The following TRIP13 variants were observed in gnomAD, a reference collection of about 807,000 sequenced individuals.
TRIP13 encodes thyroid hormone receptor interactor 13.
TRIP13 carries 25 observed loss-of-function variants against 54.4 expected under a neutral mutation model. The observed-to-expected ratio is 0.46, with a 90% CI of 0.33 to 0.64. The LOEUF (loss-of-function observed/expected upper bound fraction) is 0.64, where lower values mean the gene tolerates loss of function less well. Among genes scored for constraint, TRIP13 ranks in the 30% least tolerant of loss-of-function variants. TRIP13 has a pLI of 0.02. For synonymous variants in TRIP13, 207 were observed against 207.8 expected, an observed-to-expected ratio of 1.00 and a Z score of 0.03; for missense variants, 373 against 534.2, an observed-to-expected ratio of 0.70 and a Z score of 2.97.
At chr5:900,264 T>A (rs1162942037) in intron 3 of TRIP13, among the ~76,000 whole-genome samples, 1 of 152,246 alleles carries the variant, frequency 6.6e-6, no homozygotes, top group Non-Finnish European at 1.5e-5. Context: ...TCCATCCAGT[T>A]GTCTGCCAGA....
intron 3 of TRIP13, among the ~76,000 whole-genome samples, chr5:897,150 G>C (rs566018548): frequency 1.5e-4 from 22 of 150,586 alleles, no homozygotes; most frequent in African/African-American, 5.1e-4. Context: ...GCTTCATTCA[G>C]TCAGTGTGTG....
rs993307749 is a variant in TRIP13 at position 912,879 on chromosome 5, A to G, written c.1020+883A>G. 1.3e-5 allele frequency among the ~76,000 whole-genome samples: 2 copies of G among 152,206 alleles called. No individual in the cohort carries two copies. Among genetic ancestry groups the G allele is most frequent in the Non-Finnish European group, 2.9e-5 (2 of 68,026 alleles). ...TGTTTAGGGTAGTTGGGCGGTAACC[A>G]AGCAAACCAGTGAATGGGGATTTAA... On this transcript the variant is annotated intron_variant, in intron 10 of 12. Coordinates refer to ENST00000166345, the MANE Select transcript of TRIP13 (RefSeq NM_004237.4). This position sits in a 1 kb window ranked among gnomAD's most constrained non-coding sequence, Gnocchi z 7.2.
At position 908,557 on chromosome 5, in the gene TRIP13, A is replaced by G; in HGVS notation, c.866+96A>G. Reference sequence around the variant, plus strand: ...TGTGCAACCCTAGATCTTAGTGCCCAGCTCTTTCACCGGAAAGTGCATTTG... The same window carrying G: ...TGTGCAACCCTAGATCTTAGTGCCCGGCTCTTTCACCGGAAAGTGCATTTG... On this transcript the variant is annotated intron_variant, in intron 9 of 12. Transcript: ENST00000166345. This position sits in a 1 kb window ranked among gnomAD's most constrained non-coding sequence, Gnocchi z 5.2. 6.4e-7 allele frequency: 1 copy of G among 1,555,988 alleles called. No individual in the cohort carries two copies. Among genetic ancestry groups the G allele is most frequent in the Middle Eastern group, 1.7e-4 (1 of 5,958 alleles).
At chr5:916,479 T>G (rs1754343580) in intron 12 of TRIP13, among the ~76,000 whole-genome samples, 1 of 152,232 alleles carries the variant, frequency 6.6e-6, no homozygotes, top group Non-Finnish European at 1.5e-5. Context: ...AACCCCCATC[T>G]TGGAATGTTT....
chr5:895,135 C>T (rs956245517), intron 2 of TRIP13, among the ~76,000 whole-genome samples, 183 bp downstream of exon 2: 1 of 152,154 alleles, frequency 6.6e-6, no homozygotes, highest in Non-Finnish European at 1.5e-5. Flanking sequence ...GGAAGTAGCC[C>T]TGATGTCGGG....
At position 908,272 on chromosome 5, in the gene TRIP13, C is replaced by A; in HGVS notation, c.760-83C>A. 1 of 1,508,974 alleles carries A rather than the reference C, an allele frequency of 6.6e-7. No homozygotes were observed. Among genetic ancestry groups the A allele is most frequent in the Non-Finnish European group, 9.1e-7 (1 of 1,096,854 alleles). The allele number at this position is 1,508,974 out of a possible 1,614,324, so 93.5% of individuals were successfully genotyped here. A position where few individuals can be genotyped will look rare whatever the true frequency, so the allele number is the denominator to read the frequency against. On this transcript the variant is annotated intron_variant, in intron 8 of 12. Coordinates refer to ENST00000166345, the MANE Select transcript of TRIP13 (RefSeq NM_004237.4). This position sits in a 1 kb window ranked among gnomAD's most constrained non-coding sequence, Gnocchi z 5.2. ...AACACCCATTCATTCATCTTTTTCA[C>A]GTGCTCAGCGGGACGTATCCCCATA...
In TRIP13 at chr5:896,604, A is replaced by G. The variant is rs1479988168; in HGVS notation, c.259-61A>G. On this transcript the variant is annotated intron_variant, in intron 2 of 12. Transcript: ENST00000166345. The stretch of plus-strand genomic sequence containing the variant: ...TTGTAGACCTTAACATCTAATTTGT[A>G]TGGTTGCAGTTAAGTGAGAGTTGGA... 8.4e-6 allele frequency: 13 copies of G among 1,555,300 alleles called. No individual in the cohort carries two copies. In the East Asian group the frequency reaches 2.3e-4, roughly 27 times the overall value.
At chr5:914,240 C>T (rs1177452141) in intron 10 of TRIP13, among the ~76,000 whole-genome samples, 3 of 152,096 alleles carry the variant, frequency 2.0e-5, no homozygotes, top group Admixed American at 6.6e-5. Flanking sequence ...GAGGCATGTT[C>T]CGTTATTTGT....
At position 915,598 on chromosome 5, in the gene TRIP13, C is replaced by T. The variant is rs534795763; in HGVS notation, c.1134-306C>T. 2.9e-4 allele frequency among the ~76,000 whole-genome samples: 44 copies of T among 152,294 alleles called. No homozygotes were observed. Among genetic ancestry groups the T allele is most frequent in the Admixed American group, 1.0e-3 (16 of 15,308 alleles). On this transcript the variant is annotated intron_variant, in intron 11 of 12. Coordinates refer to ENST00000166345, the MANE Select transcript of TRIP13 (RefSeq NM_004237.4). This position sits in a 1 kb window ranked among gnomAD's most constrained non-coding sequence, Gnocchi z 4.2. ...GATGCCTTCCCTGAGCACAAGGATGCTGGCCCTGGGGCAGAGCACACAGGT... is the reference window on the plus strand; with the variant it reads ...GATGCCTTCCCTGAGCACAAGGATGTTGGCCCTGGGGCAGAGCACACAGGT...
chr5:914,363 C>T (rs549943042), intron 10 of TRIP13, 102 bp from the exon 11 acceptor site: 5 of 750,334 alleles, frequency 6.7e-6, no homozygotes, highest in African/African-American at 1.7e-5. Flanking sequence ...TGAGACGTGG[C>T]GTGGTTGACA....
intron 9 of TRIP13, among the ~76,000 whole-genome samples, chr5:910,928 G>A (rs1424868824): frequency 6.6e-6 from 1 of 152,220 alleles, no homozygotes; most frequent in East Asian, 1.9e-4. Flanking sequence ...CAGGCACAGG[G>A]CCTGCCCTCC....
intron 6 of TRIP13, among the ~76,000 whole-genome samples, chr5:904,605 CT>C (rs1754068549): frequency 6.6e-6 from 1 of 152,104 alleles, no homozygotes; most frequent in South Asian, 2.1e-4. Context: ...TGACCCTCCC[CT>C]TTATCTGGGA....
chr5:893,776 A>G (rs193134677), intron 1 of TRIP13: 4 of 154,754 alleles, frequency 2.6e-5, no homozygotes, highest in Non-Finnish European at 5.8e-5. Flanking sequence ...CTTTAACAGA[A>G]TAGCTGTTGA....
At position 915,571 on chromosome 5, in the gene TRIP13, G is replaced by T. The variant is rs895222333; in HGVS notation, c.1134-333G>T. On this transcript the variant is annotated intron_variant, in intron 11 of 12. Transcript: ENST00000166345. This position sits in a 1 kb window ranked among gnomAD's most constrained non-coding sequence, Gnocchi z 4.2. ...CCCTGGGGCAGAGGCTCCCGGGCAG[G>T]TGATGCCTTCCCTGAGCACAAGGAT... 1.3e-5 allele frequency among the ~76,000 whole-genome samples: 2 copies of T among 151,340 alleles called. No homozygotes were observed. Among genetic ancestry groups the T allele is most frequent in the Non-Finnish European group, 3.0e-5 (2 of 67,556 alleles).
In TRIP13 at chr5:892,907, C is replaced by A; in HGVS notation, c.-92C>A. The A allele has an allele frequency of 6.3e-6, 8 of 1,272,036 alleles. No homozygotes were observed. Among genetic ancestry groups the A allele is most frequent in the Non-Finnish European group, 8.2e-6 (8 of 969,754 alleles). 78.8% of individuals were successfully genotyped at this position (1,272,036 alleles called of 1,614,324 possible). A position where few individuals can be genotyped will look rare whatever the true frequency, so the allele number is the denominator to read the frequency against. On this transcript the variant is annotated 5_prime_UTR_variant, in exon 1 of 13. Coordinates refer to ENST00000166345, the MANE Select transcript of TRIP13 (RefSeq NM_004237.4). ...GCAGATTCGAAGCTAGGGCGGGGCCCGCGGGCTGAGGCAGCGGCTGTGGCG... is the reference window on the plus strand; with the variant it reads ...GCAGATTCGAAGCTAGGGCGGGGCCAGCGGGCTGAGGCAGCGGCTGTGGCG...
Position 911,337 on chromosome 5 carries a change from C to T in TRIP13, c.867-506C>T, listed in dbSNP as rs1214363491. On this transcript the variant is annotated intron_variant, in intron 9 of 12. Coordinates refer to ENST00000166345, the MANE Select transcript of TRIP13 (RefSeq NM_004237.4). This position sits in a 1 kb window ranked among gnomAD's most constrained non-coding sequence, Gnocchi z 4.7. ...CTGTAATCCCAGCACTTTGGGAGGC[C>T]GAGGCAGGCGGATCACGAGGTCAGG... 6.6e-6 allele frequency among the ~76,000 whole-genome samples: 1 copy of T among 151,678 alleles called. No individual in the cohort carries two copies. The highest frequency in any genetic ancestry group is 1.5e-5 in the Non-Finnish European group (1 of 67,894).
At chr5:904,972 T>C (rs1754083390) in intron 6 of TRIP13, among the ~76,000 whole-genome samples, 1 of 152,214 alleles carries the variant, frequency 6.6e-6, no homozygotes, top group Admixed American at 6.5e-5. Context: ...GTTTTTCTTC[T>C]GGTTAGGGGT....
At position 912,183 on chromosome 5, in the gene TRIP13, A is replaced by T. The variant is rs1754249149; in HGVS notation, c.1020+187A>T. ...CTGATAGTTGAAACTAGGGCCACTG[A>T]CTCAATATTTTTGTTCTTTTGGCAC... On this transcript the variant is annotated intron_variant, in intron 10 of 12. Coordinates refer to ENST00000166345, the MANE Select transcript of TRIP13 (RefSeq NM_004237.4). The surrounding 1 kb of genome is among the most constrained non-coding windows in gnomAD (Gnocchi z 7.2). Among the ~76,000 whole-genome samples, 2 of 152,082 alleles carry T rather than the reference A, an allele frequency of 1.3e-5. No individual in the cohort carries two copies. Among genetic ancestry groups the T allele is most frequent in the Non-Finnish European group, 1.5e-5 (1 of 68,006 alleles).
At chr5:901,703 C>T (rs1330494840) in intron 5 of TRIP13, among the ~76,000 whole-genome samples, 2 of 152,196 alleles carry the variant, frequency 1.3e-5, no homozygotes, top group Non-Finnish European at 2.9e-5. Context: ...CCTCCACTTC[C>T]TGGGTTCCTC....
Sources: allele counts gnomAD v4.1 joint callset (sites outside exome capture counted in the v4.1 genomes callset), GRCh38; gene constraint gnomAD v4.1.1; non-coding constraint Gnocchi (gnomAD v3.1); transcripts MANE v1.5; gene names NCBI Gene and HGNC (gene_info 2026-07-23, HGNC 2026-07-21).